The following EDAR variants were observed in gnomAD, a reference collection of about 807,000 sequenced individuals.
The protein encoded by EDAR is ectodysplasin A receptor, also known as tumor necrosis factor receptor superfamily member EDAR.
A neutral mutation model predicts 51.3 loss-of-function variants in EDAR; 38 were observed. The ratio of observed to expected loss-of-function variants is 0.74; its 90% confidence interval spans 0.57 to 0.97. The LOEUF is 0.97. Ranked by LOEUF, EDAR falls within the 50% of genes least tolerant of loss-of-function variation. The probability of loss-of-function intolerance (pLI) is 0.00; values close to 1 mark genes in which losing one functional copy is unlikely to be tolerated. For missense variants in EDAR, 528 were observed against 595.0 expected, an observed-to-expected ratio of 0.89 and a Z score of 1.17; for synonymous variants, 227 against 242.1, an observed-to-expected ratio of 0.94 and a Z score of 0.58.
At chr2:108,984,573 G>C (rs1698466316) in intron 1 of EDAR, among the ~76,000 whole-genome samples, 1 of 152,062 alleles carries the variant, frequency 6.6e-6, no homozygotes, top group African/African-American at 2.4e-5. Context: ...CCTTTCTTGC[G>C]GGTGTCCTGG....
intron 11 of EDAR, among the ~76,000 whole-genome samples, chr2:108,900,401 C>A (rs1276691768): frequency 6.6e-6 from 1 of 151,842 alleles, no homozygotes; most frequent in Non-Finnish European, 1.5e-5. Context: ...ACTAAATATA[C>A]AAAATTAGCT....
intron 5 of EDAR, among the ~76,000 whole-genome samples, chr2:108,921,051 C>T (rs1697127822): frequency 6.6e-6 from 1 of 152,194 alleles, no homozygotes; most frequent in African/African-American, 2.4e-5. Flanking sequence ...GGGGGTGGGC[C>T]AAGCAATTCG....
chr2:108,969,035 G>A (rs958198450), intron 1 of EDAR, among the ~76,000 whole-genome samples: 2 of 152,144 alleles, frequency 1.3e-5, no homozygotes, highest in African/African-American at 4.8e-5. Context: ...GCCACCTCAA[G>A]GGATCCCTCA....
Position 108,951,735 on chromosome 2 carries a change from G to A in EDAR, c.-18-20703C>T, listed in dbSNP as rs184443407. Among the ~76,000 whole-genome samples, 9 of 151,918 alleles carry A rather than the reference G, an allele frequency of 5.9e-5. No homozygotes were observed. The East Asian group carries it at 9.6e-4, about 16-fold the overall frequency. On this transcript the variant is annotated intron_variant, in intron 1 of 11. Coordinates refer to ENST00000258443, the MANE Select transcript of EDAR (RefSeq NM_022336.4). ...ATTCTAAAGGTTCTTCCATTTCTGC[G>A]AGTCCACGAGGTTCTCTTAGATCTA...
intron 11 of EDAR, among the ~76,000 whole-genome samples, chr2:108,903,186 T>C (rs1696733283): frequency 6.6e-6 from 1 of 152,186 alleles, no homozygotes; most frequent in South Asian, 2.1e-4. Context: ...TAACAAAATA[T>C]GCACAGAACT....
intron 5 of EDAR, among the ~76,000 whole-genome samples, chr2:108,918,591 G>A (rs60436078): frequency 0.027 from 4,037 of 152,236 alleles, 176 homozygotes; most frequent in African/African-American, 0.092. Flanking sequence ...GAAAATGAGC[G>A]GGGACTGGTT....
intron 1 of EDAR, among the ~76,000 whole-genome samples, chr2:108,977,724 G>T (rs377303494): frequency 7.2e-5 from 11 of 152,168 alleles, no homozygotes; most frequent in African/African-American, 2.4e-4. Context: ...AGATTCCTCA[G>T]TGAACAGAAG....
rs752900615 is a variant in EDAR, at chr2:108,910,543, A to G, written c.731-11T>C. The G allele has an allele frequency of 2.5e-6, 4 of 1,610,288 alleles. No homozygotes were observed. Among genetic ancestry groups the G allele is most frequent in the Non-Finnish European group, 3.4e-6 (4 of 1,176,896 alleles). Reference sequence around the variant, plus strand: ...ACATCACCACGTTGTCTGCAGGGAAATGGGGAGGTTGGGGAGATAGGAGTT... The same window carrying G: ...ACATCACCACGTTGTCTGCAGGGAAGTGGGGAGGTTGGGGAGATAGGAGTT... On this transcript the variant is annotated splice_polypyrimidine_tract_variant and intron_variant, in intron 8 of 11. Coordinates refer to ENST00000258443, the MANE Select transcript of EDAR (RefSeq NM_022336.4).
At chr2:108,948,947 C>T (rs552239813) in intron 1 of EDAR, among the ~76,000 whole-genome samples, 1 of 152,238 alleles carries the variant, frequency 6.6e-6, no homozygotes, top group Non-Finnish European at 1.5e-5. Context: ...GTGAGACCCC[C>T]ATCACTAAAA....
chr2:108,913,778 G>T (rs1022436825), intron 5 of EDAR, among the ~76,000 whole-genome samples: 2 of 151,832 alleles, frequency 1.3e-5, no homozygotes. Flanking sequence ...GGGAAACCCC[G>T]TCTCTACTAA....
At chr2:108,971,134 G>A (rs919853031) in intron 1 of EDAR, among the ~76,000 whole-genome samples, 2 of 152,136 alleles carry the variant, frequency 1.3e-5, no homozygotes, top group Non-Finnish European at 2.9e-5. Flanking sequence ...ACCACATCCT[G>A]GGCAGGCGGT....
chr2:108,930,055 A>G (rs1697334055), intron 3 of EDAR, 65 bp downstream of exon 3: 2 of 1,555,664 alleles, frequency 1.3e-6, no homozygotes, highest in Non-Finnish European at 1.7e-6. Context: ...GCTCAGGGCA[A>G]CAATGCCACA....
chr2:108,984,216 C>T (rs1181023783), intron 1 of EDAR, among the ~76,000 whole-genome samples: 1 of 152,152 alleles, frequency 6.6e-6, no homozygotes, highest in African/African-American at 2.4e-5. Flanking sequence ...GCCCTTCCTG[C>T]CCTGCACCTC....
At chr2:108,941,559 T>C (rs1697596398) in intron 1 of EDAR, among the ~76,000 whole-genome samples, 1 of 151,860 alleles carries the variant, frequency 6.6e-6, no homozygotes, top group Non-Finnish European at 1.5e-5. Flanking sequence ...GCTCTGAGGG[T>C]CCTCTGCACC....
chr2:108,962,192 G>A (rs577344885), intron 1 of EDAR, among the ~76,000 whole-genome samples: 59 of 152,302 alleles, frequency 3.9e-4, no homozygotes, highest in African/African-American at 1.2e-3. Flanking sequence ...GGCAGATGGC[G>A]CATTGCAGAT....
At chr2:108,916,746 A>G (rs1201064172) in intron 5 of EDAR, among the ~76,000 whole-genome samples, 1 of 152,092 alleles carries the variant, frequency 6.6e-6, no homozygotes, top group African/African-American at 2.4e-5. Flanking sequence ...GGACCCTGAC[A>G]TTTCTCCAGA....
At chr2:108,919,235 A>G (rs951105305) in intron 5 of EDAR, among the ~76,000 whole-genome samples, 1 of 152,212 alleles carries the variant, frequency 6.6e-6, no homozygotes, top group Non-Finnish European at 1.5e-5. Flanking sequence ...GAGTACGCAG[A>G]GTAGCAGAGA....
At chr2:108,924,610 G>A (rs1327936946) in intron 4 of EDAR, among the ~76,000 whole-genome samples, 1 of 152,196 alleles carries the variant, frequency 6.6e-6, no homozygotes, top group African/African-American at 2.4e-5. Context: ...GCAGCAGCCT[G>A]GCACGGGGGT....
At chr2:108,984,618 C>T (rs1334376249) in intron 1 of EDAR, among the ~76,000 whole-genome samples, 8 of 152,122 alleles carry the variant, frequency 5.3e-5, no homozygotes, top group Non-Finnish European at 7.4e-5. Context: ...CTTTACTCAA[C>T]TATTTCATTT....
Sources: gnomAD v4.1 joint callset for allele counts (sites outside exome capture counted in the v4.1 genomes callset) on GRCh38, gnomAD v4.1.1 for gene constraint, MANE v1.5 for transcripts, NCBI Gene and HGNC (gene_info 2026-07-23, HGNC 2026-07-21) for gene names.